Variants in CNTNAP2 observed in about 807,000 individuals in gnomAD.
CNTNAP2 encodes contactin associated protein 2.
Under a neutral mutation model 155.2 loss-of-function variants are expected in CNTNAP2, and 98 were observed. The observed-to-expected ratio is 0.63, with a 90% CI of 0.54 to 0.75. The LOEUF (loss-of-function observed/expected upper bound fraction) is 0.75, where lower values mean the gene tolerates loss of function less well. CNTNAP2 is among the 30% of genes least tolerant of loss of function. CNTNAP2 has a pLI of 0.00. For synonymous variants in CNTNAP2, 651 were observed against 631.2 expected (o/e 1.03, Z -0.47); for missense variants, 1,727 against 1,688.1 (o/e 1.02, Z -0.40).
chr7:146,706,025 CTT>C (rs1437248212), intron 1 of CNTNAP2, among the ~76,000 whole-genome samples: 2 of 152,240 alleles, frequency 1.3e-5, no homozygotes, highest in African/African-American at 4.8e-5. Context: ...GGCCAAATAA[CTT>C]TGTTGTGGTG....
intron 1 of CNTNAP2, among the ~76,000 whole-genome samples, chr7:146,716,937 G>A (rs565302007): frequency 2.0e-5 from 3 of 152,010 alleles, no homozygotes; most frequent in Non-Finnish European, 4.4e-5. Flanking sequence ...AAATAAATGG[G>A]GGCCTCAATT....
At chr7:146,803,759 T>C (rs1175373594) in intron 2 of CNTNAP2, among the ~76,000 whole-genome samples, 3 of 152,242 alleles carry the variant, frequency 2.0e-5, no homozygotes, top group African/African-American at 7.2e-5. Flanking sequence ...GCATGCATGA[T>C]ACAATATTCA....
Position 147,773,451 on chromosome 7 carries a change from C to G in CNTNAP2, c.2099-130114C>G, listed in dbSNP as rs139971814. ...AGGAGTTTGAGACCAGCCCAGCCAA[C>G]ATGGTGAAACCCTGTCTCTAGTAAA... On this transcript the variant is annotated intron_variant, in intron 13 of 23. Coordinates refer to ENST00000361727, the MANE Select transcript of CNTNAP2 (RefSeq NM_014141.6). Among the ~76,000 whole-genome samples the G allele has an allele frequency of 4.4e-3, 670 of 152,240 alleles. 6 individuals are homozygous for G. The highest frequency in any genetic ancestry group is 9.5e-3 in the South Asian group (46 of 4,828).
At chr7:147,113,448 A>T (rs1800923172) in intron 5 of CNTNAP2, among the ~76,000 whole-genome samples, 1 of 152,140 alleles carries the variant, frequency 6.6e-6, no homozygotes, top group Non-Finnish European at 1.5e-5. Flanking sequence ...TTTATTAAAA[A>T]AAAAAAAGAG....
intron 13 of CNTNAP2, among the ~76,000 whole-genome samples, chr7:147,765,919 GGTTACAATAT>G (rs1584944581): frequency 1.3e-5 from 2 of 152,286 alleles, no homozygotes; most frequent in Admixed American, 6.5e-5. Context: ...TGCTGACATT[GGTTACAATAT>G]GGATGAATCT....
intron 1 of CNTNAP2, among the ~76,000 whole-genome samples, chr7:146,607,253 T>C (rs1295133607): frequency 1.3e-5 from 2 of 152,096 alleles, no homozygotes; most frequent in Non-Finnish European, 2.9e-5. Flanking sequence ...CATTCCCCAA[T>C]GTTTAATCTT....
intron 1 of CNTNAP2, among the ~76,000 whole-genome samples, chr7:146,525,110 G>A (rs186060801): frequency 3.3e-5 from 5 of 151,718 alleles, no homozygotes; most frequent in Admixed American, 6.6e-5. Flanking sequence ...AAAAAAAAAC[G>A]GAATAAGTTG....
intron 1 of CNTNAP2, among the ~76,000 whole-genome samples, chr7:146,325,517 G>A (rs1321359269): frequency 3.3e-5 from 5 of 151,940 alleles, no homozygotes; most frequent in African/African-American, 9.7e-5. Context: ...TGTTTTTATA[G>A]CCCCTTGTAT....
chr7:146,532,094 A>G (rs1447843173), intron 1 of CNTNAP2, among the ~76,000 whole-genome samples: 1 of 152,166 alleles, frequency 6.6e-6, no homozygotes, highest in African/African-American at 2.4e-5. Flanking sequence ...TTAAAGAAGT[A>G]ATACAATATT....
chr7:146,963,710 A>G (rs1433732231), intron 3 of CNTNAP2, among the ~76,000 whole-genome samples: 2 of 152,128 alleles, frequency 1.3e-5, no homozygotes, highest in East Asian at 3.9e-4. Flanking sequence ...TGAAAAATCG[A>G]TTTGGTGTTT....
intron 3 of CNTNAP2, among the ~76,000 whole-genome samples, chr7:146,971,489 A>T (rs1419945538): frequency 6.6e-6 from 1 of 152,238 alleles, no homozygotes; most frequent in Non-Finnish European, 1.5e-5. Context: ...TTGGGCTCGT[A>T]TAGCAAAATT....
chr7:146,263,106 C>G (rs1007881938), intron 1 of CNTNAP2, among the ~76,000 whole-genome samples: 3 of 152,170 alleles, frequency 2.0e-5, no homozygotes, highest in Admixed American at 6.5e-5. Context: ...ATCATGAGGT[C>G]AGGAGTTCAA....
intron 1 of CNTNAP2, among the ~76,000 whole-genome samples, chr7:146,719,075 AT>A (rs1177935853): frequency 7.2e-5 from 11 of 152,130 alleles, no homozygotes; most frequent in African/African-American, 1.2e-4. Context: ...AAATCACTCT[AT>A]TTTTTGTTAA....
intron 13 of CNTNAP2, among the ~76,000 whole-genome samples, chr7:147,644,117 C>T (rs963168573): frequency 2.0e-5 from 3 of 152,162 alleles, no homozygotes; most frequent in South Asian, 2.1e-4. Context: ...TTTTATTTTA[C>T]GTAGAAAAGC....
chr7:147,229,763 C>A (rs1459754255), intron 8 of CNTNAP2, among the ~76,000 whole-genome samples: 1 of 152,118 alleles, frequency 6.6e-6, no homozygotes, highest in African/African-American at 2.4e-5. Context: ...TATTTTTTAT[C>A]TTTTCTCCTG....
intron 1 of CNTNAP2, among the ~76,000 whole-genome samples, chr7:146,685,021 C>T (rs967524214): frequency 6.6e-6 from 1 of 152,046 alleles, no homozygotes; most frequent in Admixed American, 6.6e-5. Context: ...CACCAAATGA[C>T]AGTTAATACA....
chr7:146,270,508 A>C (rs1800064157), intron 1 of CNTNAP2, among the ~76,000 whole-genome samples: 1 of 152,206 alleles, frequency 6.6e-6, no homozygotes, highest in Non-Finnish European at 1.5e-5. Context: ...CATTTTATTC[A>C]GTTGCTTTGA....
intron 3 of CNTNAP2, among the ~76,000 whole-genome samples, chr7:146,990,243 A>T (rs73463285): frequency 6.6e-6 from 1 of 152,114 alleles, no homozygotes; most frequent in East Asian, 1.9e-4. Flanking sequence ...CTGAGTCTCA[A>T]TCATTCAATG....
chr7:146,435,723 A>G (rs1267809878), intron 1 of CNTNAP2, among the ~76,000 whole-genome samples: 1 of 152,216 alleles, frequency 6.6e-6, no homozygotes, highest in African/African-American at 2.4e-5. Flanking sequence ...CTTAGTAAAC[A>G]TATATTTCAA....
Sources: allele counts gnomAD v4.1 joint callset (sites outside exome capture counted in the v4.1 genomes callset), GRCh38; gene constraint gnomAD v4.1.1; transcripts MANE v1.5; gene names NCBI Gene and HGNC (gene_info 2026-07-23, HGNC 2026-07-21).